FBH1: variants seen among roughly 807,000 people sequenced by gnomAD.
The protein encoded by FBH1 is DNA 3'-5' helicase 1.
In FBH1, 43 loss-of-function variants were observed where a neutral mutation model predicts 115.5. The observed-to-expected ratio is 0.37, with a 90% CI of 0.29 to 0.48. The LOEUF (loss-of-function observed/expected upper bound fraction) is 0.48, where lower values mean the gene tolerates loss of function less well. Ranked by LOEUF, FBH1 falls within the 20% of genes least tolerant of loss-of-function variation. FBH1 has a pLI of 0.99. For synonymous variants in FBH1, 524 were observed against 507.8 expected (o/e 1.03, Z -0.43); for missense variants, 1,001 against 1,337.3 (o/e 0.75, Z 3.92).
At chr10:5,891,175 G>T in intron 1 of FBH1, 1 of 985,882 alleles carries the variant, frequency 1.0e-6, no homozygotes, top group Non-Finnish European at 1.2e-6. Flanking sequence ...GCCAGCGTCT[G>T]CCGCTGTGGT....
In FBH1 at chr10:5,906,236, C is replaced by T; in HGVS notation, c.357C>T (p.Pro119=). ...CGGGCTCACCAGGGTCTGCCCCGCC[C>T]TCCAGGAAGCGGTCTTGGTCCTCTG... The part of the protein sequence containing the change: ...AGPGSPGSAP[P]SRKRSWSSEE... The change falls in exon 3 of 21, where the codon CCC becomes CCT. Residue 119 remains proline (P), a synonymous_variant. Transcript: ENST00000362091. This position sits in a 1 kb window ranked among gnomAD's most constrained non-coding sequence, Gnocchi z 7.3. 3 of 1,614,246 alleles carry T rather than the reference C, an allele frequency of 1.9e-6. No homozygotes were observed. The highest frequency in any genetic ancestry group is 1.1e-5 in the South Asian group (1 of 91,086).
rs1003529197 is a variant in FBH1 at position 5,924,858 on chromosome 10, G to A, written c.2596+350G>A. The A allele has an allele frequency of 1.5e-5, 6 of 408,554 alleles. No homozygotes were observed. The highest frequency in any genetic ancestry group is 6.7e-5 in the East Asian group (1 of 14,858). The allele number at this position is 408,554 out of a possible 1,614,324, so 25.3% of individuals were successfully genotyped here. ...TAGAATTACAGGCGTGAGCCACTGC[G>A]CCCAGCCTCTTCTGCTGTTTCTTCC... On this transcript the variant is annotated intron_variant, in intron 17 of 20. Transcript: ENST00000362091. The surrounding 1 kb of genome is among the most constrained non-coding windows in gnomAD (Gnocchi z 6.2).
rs1041848005 is a variant in FBH1, at chr10:5,936,330, G to A, written c.2830-126G>A. ...GGAAGTAAGGGAGAACGGGTTAGGCGGGGTTTTTCTCTCTGGGACTTACAG... is the reference window on the plus strand; with the variant it reads ...GGAAGTAAGGGAGAACGGGTTAGGCAGGGTTTTTCTCTCTGGGACTTACAG... On this transcript the variant is annotated intron_variant, in intron 19 of 20. Transcript: ENST00000362091. This position sits in a 1 kb window ranked among gnomAD's most constrained non-coding sequence, Gnocchi z 5.6. 16 of 1,069,132 alleles carry A rather than the reference G, an allele frequency of 1.5e-5. No homozygotes were observed. Among genetic ancestry groups the A allele is most frequent in the Admixed American group, 1.3e-4 (6 of 46,184 alleles). The allele number at this position is 1,069,132 out of a possible 1,614,324, so 66.2% of individuals were successfully genotyped here. A position where few individuals can be genotyped will look rare whatever the true frequency, so the allele number is the denominator to read the frequency against.
At position 5,911,442 on chromosome 10, in the gene FBH1, C is replaced by T. The variant is rs1006475666; in HGVS notation, c.1211+314C>T. Among the ~76,000 whole-genome samples, 4 of 152,348 alleles carry T rather than the reference C, an allele frequency of 2.6e-5. No homozygotes were observed. Among genetic ancestry groups the T allele is most frequent in the Non-Finnish European group, 4.4e-5 (3 of 68,028 alleles). On this transcript the variant is annotated intron_variant, in intron 6 of 20. Transcript: ENST00000362091. This position sits in a 1 kb window ranked among gnomAD's most constrained non-coding sequence, Gnocchi z 5.4. ...AGCCTTTCTTATTCACCCGTGGCCTCGCTTCCCTAGGAAAATGTTAGGCTC... is the reference window on the plus strand; with the variant it reads ...AGCCTTTCTTATTCACCCGTGGCCTTGCTTCCCTAGGAAAATGTTAGGCTC...
In FBH1 at chr10:5,921,316, A is replaced by G; in HGVS notation, c.2159A>G (p.Lys720Arg). Residue 720 changes from lysine (K) to arginine (R), a missense_variant, in exon 14 of 21, where the codon AAG becomes AGG. Coordinates refer to ENST00000362091, the MANE Select transcript of FBH1 (RefSeq NM_178150.3). The surrounding 1 kb of genome is among the most constrained non-coding windows in gnomAD (Gnocchi z 6.4). ...YVGATILDVC[K>R]RVRKKTLVGG... is the part of the protein sequence containing the mutation. ...GGAGCTACTATCTTGGATGTTTGCA[A>G]GAGAGTCAGGAAAAAGACTTTGGTT... The G allele has an allele frequency of 6.2e-7, 1 of 1,614,232 alleles. No homozygotes were observed. Among genetic ancestry groups the G allele is most frequent in the Non-Finnish European group, 8.5e-7 (1 of 1,180,042 alleles).
chr10:5,927,082 C>A (rs1473641334), intron 18 of FBH1, among the ~76,000 whole-genome samples: 3 of 152,200 alleles, frequency 2.0e-5, no homozygotes, highest in African/African-American at 7.2e-5. Flanking sequence ...GTGACTTAAC[C>A]TGTCTAAGCC....
chr10:5,893,967 C>G (rs554379206), intron 1 of FBH1: 49 of 984,546 alleles, frequency 5.0e-5, no homozygotes, highest in Admixed American at 6.1e-5. Flanking sequence ...ACATTCCTTT[C>G]TTTCTTTAGG....
intron 2 of FBH1, among the ~76,000 whole-genome samples, chr10:5,904,947 T>C (rs1021337635): frequency 4.3e-4 from 65 of 152,338 alleles, no homozygotes; most frequent in African/African-American, 1.4e-3. Context: ...ATATTTTGGA[T>C]ACAGCCATTT....
chr10:5,917,437 G>A lies in FBH1; in HGVS notation c.1806G>A (p.Ala602=), dbSNP rs1451601128. 1.2e-6 allele frequency: 2 copies of A among 1,614,166 alleles called. No homozygotes were observed. The highest frequency in any genetic ancestry group is 1.1e-5 in the South Asian group (1 of 91,068). The change falls in exon 11 of 21, where the codon GCG becomes GCA. Residue 602 remains alanine, a synonymous_variant. Coordinates refer to ENST00000362091, the MANE Select transcript of FBH1 (RefSeq NM_178150.3). This position sits in a 1 kb window ranked among gnomAD's most constrained non-coding sequence, Gnocchi z 5.6. The stretch of plus-strand genomic sequence containing the variant: ...CTTCCTAGAATGGTGTCCTTGAAGC[G>A]AGCCGCCTCTGGGATAACATGCGGA... ...QSEKLNGVLE[A]SRLWDNMRKL...
intron 1 of FBH1, among the ~76,000 whole-genome samples, chr10:5,894,843 T>C (rs906111510): frequency 6.6e-6 from 1 of 152,232 alleles, no homozygotes; most frequent in Non-Finnish European, 1.5e-5. Context: ...TTGTTATTAA[T>C]ATAATATGTA....
chr10:5,927,578 A>G (rs1832727763), intron 19 of FBH1, 37 bp downstream of exon 19: 5 of 1,518,828 alleles, frequency 3.3e-6, no homozygotes, highest in Non-Finnish European at 4.5e-6. Context: ...ACTTGATGCC[A>G]TTGAATGTTA....
chr10:5,913,797 C>T lies in FBH1; in HGVS notation c.1262C>T (p.Thr421Ile). The change falls in exon 7 of 21, where the codon ACT (threonine) becomes ATT (isoleucine). Residue 421 changes from threonine to isoleucine, a missense_variant. Around this residue, in one of 4 missense-constraint regions of FBH1, gnomAD observed 521 missense variants for 811.0 expected, o/e 0.64. Transcript: ENST00000362091. The surrounding 1 kb of genome is among the most constrained non-coding windows in gnomAD (Gnocchi z 4.4). ...YCLYLQENSC[T>I]QATKVKEEPS... ...CTATATCTTCAGGAGAATTCCTGCACTCAGGCCACAAAAGTTAAAGAGGAG... is the reference window on the plus strand; with the variant it reads ...CTATATCTTCAGGAGAATTCCTGCATTCAGGCCACAAAAGTTAAAGAGGAG... 1.3e-6 allele frequency: 2 copies of T among 1,595,132 alleles called. No individual in the cohort carries two copies. Among genetic ancestry groups the T allele is most frequent in the Non-Finnish European group, 1.7e-6 (2 of 1,175,488 alleles).
At position 5,932,704 on chromosome 10, in the gene FBH1, A is replaced by T. The variant is rs1269298143; in HGVS notation, c.2830-3752A>T. Among the ~76,000 whole-genome samples the T allele has an allele frequency of 6.6e-6, 1 of 152,034 alleles. No individual in the cohort carries two copies. The highest frequency in any genetic ancestry group is 1.5e-5 in the Non-Finnish European group (1 of 67,992). On this transcript the variant is annotated intron_variant, in intron 19 of 20. Transcript: ENST00000362091. This position sits in a 1 kb window ranked among gnomAD's most constrained non-coding sequence, Gnocchi z 5.9. ...CTGGGTAAAGATAAATGCAAGTGTG[A>T]CTTTTCTGTTGTTTTGTTTTGTTTT...
In FBH1 at chr10:5,900,722, C is replaced by T. The variant is rs1843297228; in HGVS notation, c.2-2298C>T. On this transcript the variant is annotated intron_variant, in intron 1 of 20. Transcript: ENST00000362091. This position sits in a 1 kb window ranked among gnomAD's most constrained non-coding sequence, Gnocchi z 4.2. ...TTTGGAAGGGTGATTTCTGAATTAGCTAGGGAGGAATAATGAAAAAATATT... is the reference window on the plus strand; with the variant it reads ...TTTGGAAGGGTGATTTCTGAATTAGTTAGGGAGGAATAATGAAAAAATATT... Among the ~76,000 whole-genome samples, 1 of 152,176 alleles carries T rather than the reference C, an allele frequency of 6.6e-6. No individual in the cohort carries two copies. Among genetic ancestry groups the T allele is most frequent in the South Asian group, 2.1e-4 (1 of 4,814 alleles).
rs746052597 is a variant in FBH1, at chr10:5,906,010, T to C, written c.158-27T>C. 14 of 1,519,552 alleles carry C rather than the reference T, an allele frequency of 9.2e-6. No homozygotes were observed. In the Admixed American group the frequency reaches 2.2e-4, roughly 24 times the overall value. The allele number at this position is 1,519,552 out of a possible 1,614,324, so 94.1% of individuals were successfully genotyped here. A position where few individuals can be genotyped will look rare whatever the true frequency, so the allele number is the denominator to read the frequency against. ...GTCAACAGTCATCGTTCATTTCTTG[T>C]CCATCCTGTTTGGGTTCTCTCTACA... On this transcript the variant is annotated intron_variant, in intron 2 of 20. Transcript: ENST00000362091. The surrounding 1 kb of genome is among the most constrained non-coding windows in gnomAD (Gnocchi z 7.3).
In FBH1 at chr10:5,898,022, G is replaced by A. The variant is rs551036314; in HGVS notation, c.2-4998G>A. 3.3e-5 allele frequency among the ~76,000 whole-genome samples: 5 copies of A among 152,304 alleles called. No homozygotes were observed. The East Asian group carries it at 9.6e-4, about 29-fold the overall frequency. On this transcript the variant is annotated intron_variant, in intron 1 of 20. Coordinates refer to ENST00000362091, the MANE Select transcript of FBH1 (RefSeq NM_178150.3). Reference sequence around the variant, plus strand: ...GAGGTCTCCCTGTGGGAGCAGTTCTGTAGTATATTCCTAGGGATTAGAGTG... The same window carrying A: ...GAGGTCTCCCTGTGGGAGCAGTTCTATAGTATATTCCTAGGGATTAGAGTG...
In FBH1 at chr10:5,931,083, A is replaced by C. The variant is rs1832945433; in HGVS notation, c.2829+3542A>C. On this transcript the variant is annotated intron_variant, in intron 19 of 20. Transcript: ENST00000362091. This position sits in a 1 kb window ranked among gnomAD's most constrained non-coding sequence, Gnocchi z 4.3. ...TTTCAACATTTTGTTGTTAAATATA[A>C]CACAAGTATATAAAACAGCATATAG... Among the ~76,000 whole-genome samples, 1 of 152,158 alleles carries C rather than the reference A, an allele frequency of 6.6e-6. No homozygotes were observed. Among genetic ancestry groups the C allele is most frequent in the African/African-American group, 2.4e-5 (1 of 41,420 alleles).
At position 5,914,924 on chromosome 10, in the gene FBH1, A is replaced by T. The variant is rs1406428529; in HGVS notation, c.1397-479A>T. 6.6e-6 allele frequency among the ~76,000 whole-genome samples: 1 copy of T among 152,074 alleles called. No individual in the cohort carries two copies. The highest frequency in any genetic ancestry group is 1.9e-4 in the East Asian group (1 of 5,192). On this transcript the variant is annotated intron_variant, in intron 8 of 20. Coordinates refer to ENST00000362091, the MANE Select transcript of FBH1 (RefSeq NM_178150.3). This position sits in a 1 kb window ranked among gnomAD's most constrained non-coding sequence, Gnocchi z 5.2. ...CTGATAGCATTCCGTAAGGTTGCTT[A>T]GTTATTCTTGTTTTATAGAGGAAGA...
rs202040166 is a variant in FBH1, at chr10:5,906,037, G to T, written c.158G>T (p.Gly53Val). Residue 53 changes from glycine (G) to valine (V), a missense_variant and splice_region_variant, in exon 3 of 21, where the codon GGT becomes GTT. By Grantham distance (109) the Gly-to-Val change is moderately radical. Around this residue, in one of 4 missense-constraint regions of FBH1, gnomAD observed 420 missense variants for 430.4 expected, o/e 0.98. Coordinates refer to ENST00000362091, the MANE Select transcript of FBH1 (RefSeq NM_178150.3). The surrounding 1 kb of genome is among the most constrained non-coding windows in gnomAD (Gnocchi z 7.3). ...CATCCTGTTTGGGTTCTCTCTACAGGTCAGGGAAGTCAAAGATGCATCCCT... is the reference window on the plus strand; with the variant it reads ...CATCCTGTTTGGGTTCTCTCTACAGTTCAGGGAAGTCAAAGATGCATCCCT... ...PKPRTKRGSRGQGSQRCIPEF... is the reference protein window; with the variant it reads ...PKPRTKRGSRVQGSQRCIPEF... The T allele has an allele frequency of 4.4e-6, 7 of 1,605,082 alleles. No individual in the cohort carries two copies. The East Asian group carries it at 1.3e-4, about 31-fold the overall frequency.
Sources: allele counts gnomAD v4.1 joint callset (sites outside exome capture counted in the v4.1 genomes callset), GRCh38; gene constraint gnomAD v4.1.1; regional missense constraint gnomAD v4.1.1; non-coding constraint Gnocchi (gnomAD v3.1); transcripts MANE v1.5; gene names NCBI Gene and HGNC (gene_info 2026-07-23, HGNC 2026-07-21).